Variants in PDE7A observed in about 807,000 individuals in gnomAD.
PDE7A encodes the protein phosphodiesterase 7A.
A neutral mutation model predicts 64.3 loss-of-function variants in PDE7A; 39 were observed. The ratio of observed to expected loss-of-function variants is 0.61; its 90% confidence interval spans 0.47 to 0.79. The LOEUF (loss-of-function observed/expected upper bound fraction) is 0.79. Ranked by LOEUF, PDE7A falls within the 30% of genes least tolerant of loss-of-function variation. The pLI is 0.00. For synonymous variants in PDE7A, 203 were observed against 206.8 expected (o/e 0.98, Z 0.16); for missense variants, 470 against 582.8 (o/e 0.81, Z 1.99).
In PDE7A at chr8:65,719,501, G is replaced by C; in HGVS notation, c.1244-6C>G. 1 of 1,575,392 alleles carries C rather than the reference G, an allele frequency of 6.3e-7. No homozygotes were observed. Among genetic ancestry groups the C allele is most frequent in the Non-Finnish European group, 8.7e-7 (1 of 1,144,986 alleles). ...CACTAGGTAAGTCATAAAACCTTGA[G>C]AAAATAGGAGAAAAAGTTATTAACA... On this transcript the variant is annotated splice_region_variant and splice_polypyrimidine_tract_variant and intron_variant, in intron 12 of 12. Transcript: ENST00000401827.
intron 3 of PDE7A, among the ~76,000 whole-genome samples, chr8:65,750,562 A>AC (rs762375305): frequency 6.6e-5 from 10 of 151,676 alleles, no homozygotes; most frequent in Non-Finnish European, 1.5e-4. Flanking sequence ...CTTTGCAAGG[A>AC]CAACTGCATA....
intron 5 of PDE7A, among the ~76,000 whole-genome samples, chr8:65,742,949 G>A (rs911913393): frequency 3.3e-5 from 5 of 152,238 alleles, no homozygotes; most frequent in Non-Finnish European, 7.3e-5. Flanking sequence ...GTTAACTACT[G>A]TGGACTGCTG....
chr8:65,755,178 G>A (rs1340040299), intron 3 of PDE7A, among the ~76,000 whole-genome samples: 4 of 151,210 alleles, frequency 2.6e-5, no homozygotes, highest in African/African-American at 4.9e-5. Context: ...ATGCCACCAC[G>A]CCCGGCTAAT....
intron 1 of PDE7A, among the ~76,000 whole-genome samples, chr8:65,810,289 T>A (rs185417223): frequency 2.0e-5 from 3 of 150,686 alleles, no homozygotes; most frequent in Non-Finnish European, 2.9e-5. Context: ...TAGGTGGGAA[T>A]TGAACAATGA....
intron 1 of PDE7A, among the ~76,000 whole-genome samples, chr8:65,810,323 A>G (rs1322679807): frequency 1.3e-5 from 2 of 150,622 alleles, no homozygotes; most frequent in Non-Finnish European, 3.0e-5. Flanking sequence ...CAGGGTGGGG[A>G]ACGTGACACA....
At chr8:65,797,849 C>CA (rs1251515954) in intron 1 of PDE7A, among the ~76,000 whole-genome samples, 5 of 150,122 alleles carry the variant, frequency 3.3e-5, no homozygotes, top group Admixed American at 6.6e-5. Context: ...TCATGCCATA[C>CA]AAAAAAATTA....
chr8:65,813,692 A>G (rs1179970515), intron 1 of PDE7A, among the ~76,000 whole-genome samples: 2 of 152,236 alleles, frequency 1.3e-5, no homozygotes, highest in South Asian at 2.1e-4. Flanking sequence ...ACAAAACTGT[A>G]TAATAGCACG....
chr8:65,791,703 G>C (rs533197021), intron 1 of PDE7A, among the ~76,000 whole-genome samples: 1 of 152,268 alleles, frequency 6.6e-6, no homozygotes, highest in Non-Finnish European at 1.5e-5. Context: ...TTCTCCCCCA[G>C]ATCAGAAAAT....
intron 1 of PDE7A, among the ~76,000 whole-genome samples, chr8:65,823,947 A>G (rs1049104014): frequency 1.3e-5 from 2 of 152,088 alleles, no homozygotes; most frequent in African/African-American, 4.8e-5. Context: ...GTTCTTTCTC[A>G]ATACAAAATA....
chr8:65,756,885 T>C (rs1235105960), intron 3 of PDE7A, among the ~76,000 whole-genome samples: 1 of 152,148 alleles, frequency 6.6e-6, no homozygotes, highest in Non-Finnish European at 1.5e-5. Context: ...ATTTTACTCC[T>C]CCAGGATTGT....
chr8:65,724,581 T>C (rs2129065587), intron 10 of PDE7A, among the ~76,000 whole-genome samples, 196 bp downstream of exon 10: 1 of 152,312 alleles, frequency 6.6e-6, no homozygotes, highest in South Asian at 2.1e-4. Context: ...GAAAAACACG[T>C]AAGCAATGAT....
In PDE7A at chr8:65,716,168, AG is replaced by A; in HGVS notation, c.*3121del. ...TGTCTCAAAAAAAAAAAAAAACAAAAGGGCTATAGAAGGTGATTCCCACATA... is the reference window on the plus strand; with the variant it reads ...TGTCTCAAAAAAAAAAAAAAACAAAAGGCTATAGAAGGTGATTCCCACATA... On this transcript the variant is annotated 3_prime_UTR_variant, in exon 13 of 13. Transcript: ENST00000401827. Among the ~76,000 whole-genome samples, 1 of 151,434 alleles carries A rather than the reference AG, an allele frequency of 6.6e-6. No individual in the cohort carries two copies. The highest frequency in any genetic ancestry group is 2.1e-4 in the South Asian group (1 of 4,776).
chr8:65,776,594 A>C (rs1394212920), intron 3 of PDE7A, among the ~76,000 whole-genome samples: 1 of 152,160 alleles, frequency 6.6e-6, no homozygotes, highest in Non-Finnish European at 1.5e-5. Context: ...AATCACTTAC[A>C]GTTTTCTATG....
At chr8:65,789,024 G>C in intron 1 of PDE7A, 2 of 1,560,454 alleles carry the variant, frequency 1.3e-6, no homozygotes, top group Non-Finnish European at 1.7e-6. Context: ...ATAAATACCA[G>C]CTGTCCCGAG....
At position 65,841,641 on chromosome 8, in the gene PDE7A, G is replaced by A. The variant is rs1235484537; in HGVS notation, c.-133C>T. The A allele has an allele frequency of 2.2e-5, 5 of 224,092 alleles. No homozygotes were observed. 13.9% of individuals were successfully genotyped at this position (224,092 alleles called of 1,614,324 possible). ...GGCGGGCGGGGACCGACCCCGGGCT[G>A]GGAAGCCGCGCTCACGCCTCCCCAA... On this transcript the variant is annotated 5_prime_UTR_variant, in exon 1 of 13. Coordinates refer to ENST00000401827, the MANE Select transcript of PDE7A (RefSeq NM_001242318.3).
At chr8:65,778,776 T>C (rs933385472) in intron 3 of PDE7A, among the ~76,000 whole-genome samples, 1 of 152,240 alleles carries the variant, frequency 6.6e-6, no homozygotes, top group East Asian at 1.9e-4. Flanking sequence ...ATCTCTGTCC[T>C]GCAGGTGGCA....
At chr8:65,720,663 T>A (rs1181118464) in intron 12 of PDE7A, 1 of 152,322 alleles carries the variant, frequency 6.6e-6, no homozygotes, top group Non-Finnish European at 1.5e-5. Flanking sequence ...ACCTACTATG[T>A]CCCCGGCACT....
chr8:65,751,244 C>T (rs1331946324), intron 3 of PDE7A, among the ~76,000 whole-genome samples: 1 of 152,076 alleles, frequency 6.6e-6, no homozygotes, highest in Non-Finnish European at 1.5e-5. Context: ...AAAGTTTTGT[C>T]TAAGATTTAA....
Position 65,769,664 on chromosome 8 carries a change from C to T in PDE7A, c.283+10056G>A, listed in dbSNP as rs138850847. Among the ~76,000 whole-genome samples, 1,012 of 152,090 alleles carry T rather than the reference C, an allele frequency of 6.7e-3. 12 individuals are homozygous for T. The highest frequency in any genetic ancestry group is 0.023 in the African/African-American group (969 of 41,484). ...TAATCCCAGCACTTTGGGAGGCTGACGCAGGCAGATGACTTGAGGTCAGGA... is the reference window on the plus strand; with the variant it reads ...TAATCCCAGCACTTTGGGAGGCTGATGCAGGCAGATGACTTGAGGTCAGGA... On this transcript the variant is annotated intron_variant, in intron 3 of 12. Coordinates refer to ENST00000401827, the MANE Select transcript of PDE7A (RefSeq NM_001242318.3).
Sources: allele counts gnomAD v4.1 joint callset (sites outside exome capture counted in the v4.1 genomes callset), GRCh38; gene constraint gnomAD v4.1.1; transcripts MANE v1.5; gene names NCBI Gene and HGNC (gene_info 2026-07-23, HGNC 2026-07-21).